Variants in EMILIN2 observed in about 807,000 individuals in gnomAD.
EMILIN2 encodes elastin microfibril interfacer 2.
Under a neutral mutation model 87.1 loss-of-function variants are expected in EMILIN2, and 71 were observed. The ratio of observed to expected loss-of-function variants is 0.82; its 90% CI spans 0.67 to 0.99. The LOEUF (loss-of-function observed/expected upper bound fraction) is 0.99. Among genes scored for constraint, EMILIN2 ranks in the 50% least tolerant of loss-of-function variants. The pLI is 0.00. For synonymous variants in EMILIN2, 581 were observed against 563.4 expected, an observed-to-expected ratio of 1.03 and a Z score of -0.44; for missense variants, 1,407 against 1,371.8, an observed-to-expected ratio of 1.03 and a Z score of -0.40.
chr18:2,913,160 C>T lies in EMILIN2; in HGVS notation c.2918C>T (p.Ser973Phe). 6.2e-7 allele frequency: 1 copy of T among 1,614,050 alleles called. No individual in the cohort carries two copies. Among genetic ancestry groups the T allele is most frequent in the East Asian group, 2.2e-5 (1 of 44,854 alleles). ...DAYVEAVLSV[S>F]NASVAQLHTA... The stretch of plus-strand genomic sequence containing the variant: ...TACGTGGAAGCAGTGCTGTCGGTCT[C>T]CAACGCCAGCGTGGCCCAGCTGCAT... Residue 973 changes from serine (S) to phenylalanine (F), a missense_variant, in exon 8 of 8, where the codon TCC becomes TTC. Physicochemically the swap from Ser to Phe is radical, Grantham distance 155 (BLOSUM62 -2). Transcript: ENST00000254528.
Position 2,913,475 on chromosome 18 carries a change from G to A in EMILIN2, c.*71G>A. Reference sequence around the variant, plus strand: ...TCTAAAGCTTTAATATATTCGGTTTGTATGTAATGGAAGCACGGGGCTAGA... The same window carrying A: ...TCTAAAGCTTTAATATATTCGGTTTATATGTAATGGAAGCACGGGGCTAGA... On this transcript the variant is annotated 3_prime_UTR_variant, in exon 8 of 8. Coordinates refer to ENST00000254528, the MANE Select transcript of EMILIN2 (RefSeq NM_032048.3). The A allele has an allele frequency of 1.6e-6, 2 of 1,280,374 alleles. No homozygotes were observed. Among genetic ancestry groups the A allele is most frequent in the Non-Finnish European group, 2.1e-6 (2 of 931,690 alleles). The allele number at this position is 1,280,374 out of a possible 1,614,324, so 79.3% of individuals were successfully genotyped here.
At chr18:2,881,458 G>T (rs958361211) in intron 2 of EMILIN2, among the ~76,000 whole-genome samples, 1 of 152,250 alleles carries the variant, frequency 6.6e-6, no homozygotes, top group African/African-American at 2.4e-5. Flanking sequence ...CCTACATTAG[G>T]AGCTGGGGAG....
At chr18:2,855,180 G>A (rs1243353461) in intron 2 of EMILIN2, among the ~76,000 whole-genome samples, 1 of 152,202 alleles carries the variant, frequency 6.6e-6, no homozygotes, top group African/African-American at 2.4e-5. Context: ...GCCCCTTGGG[G>A]CTGCTCCCTA....
At chr18:2,867,121 A>G (rs561053176) in intron 2 of EMILIN2, among the ~76,000 whole-genome samples, 40 of 152,110 alleles carry the variant, frequency 2.6e-4, no homozygotes, top group Non-Finnish European at 4.0e-4. Flanking sequence ...GGATTTTTGC[A>G]TCTATGTTCA....
chr18:2,873,445 CGCCT>C (rs2076731031), intron 2 of EMILIN2, among the ~76,000 whole-genome samples: 1 of 149,564 alleles, frequency 6.7e-6, no homozygotes. Context: ...CGGTAGCTCA[CGCCT>C]ATAATCCCAG....
Position 2,891,618 on chromosome 18 carries a change from G to C in EMILIN2, c.1491G>C (p.Leu497=). The C allele has an allele frequency of 1.2e-6, 2 of 1,614,048 alleles. No homozygotes were observed. Among genetic ancestry groups the C allele is most frequent in the Non-Finnish European group, 1.7e-6 (2 of 1,180,014 alleles). ...TTGTTGATCAGAAAATACAGTCTCT[G>C]GAAGACCGTCTGGGGAGCGTTCTCC... ...KQLVDQKIQS[L]EDRLGSVLLQ... The change falls in exon 4 of 8, where the codon CTG becomes CTC. Residue 497 remains leucine, a synonymous_variant. Transcript: ENST00000254528. This position sits in a 1 kb window ranked among gnomAD's most constrained non-coding sequence, Gnocchi z 4.6.
chr18:2,873,558 T>A (rs548316005), intron 2 of EMILIN2, among the ~76,000 whole-genome samples: 1,999 of 150,346 alleles, frequency 0.013, 48 homozygotes, highest in African/African-American at 0.047. Flanking sequence ...ATACAAAAAA[T>A]TAGCCGGGCG....
chr18:2,848,204 T>C lies in EMILIN2; in HGVS notation c.257+273T>C, dbSNP rs2143941502. On this transcript the variant is annotated intron_variant, in intron 2 of 7. Coordinates refer to ENST00000254528, the MANE Select transcript of EMILIN2 (RefSeq NM_032048.3). This position sits in a 1 kb window ranked among gnomAD's most constrained non-coding sequence, Gnocchi z 4.1. ...AGGAGAGGATGAACAAAGCTCCCAC[T>C]CCCACTTCTGTTTTCTCCCTTTCAA... 6.6e-6 allele frequency among the ~76,000 whole-genome samples: 1 copy of C among 152,316 alleles called. No individual in the cohort carries two copies. The highest frequency in any genetic ancestry group is 1.9e-4 in the East Asian group (1 of 5,188).
At position 2,904,282 on chromosome 18, in the gene EMILIN2, G is replaced by T. The variant is rs774150697; in HGVS notation, c.2360-2501G>T. 2.0e-5 allele frequency among the ~76,000 whole-genome samples: 3 copies of T among 152,020 alleles called. No individual in the cohort carries two copies. The East Asian group carries it at 5.8e-4, about 29-fold the overall frequency. On this transcript the variant is annotated intron_variant, in intron 4 of 7. Coordinates refer to ENST00000254528, the MANE Select transcript of EMILIN2 (RefSeq NM_032048.3). ...ATCTTCAGTGTTCTGAATGTGGCTT[G>T]GTTTATTCCTCTTATTCAGTAATTG...
intron 2 of EMILIN2, among the ~76,000 whole-genome samples, chr18:2,875,015 A>G (rs1365933266): frequency 1.3e-5 from 2 of 152,178 alleles, no homozygotes; most frequent in East Asian, 3.9e-4. Flanking sequence ...AGAACAGTGG[A>G]TGGGCAGCTA....
chr18:2,900,193 C>T (rs946579342), intron 4 of EMILIN2, among the ~76,000 whole-genome samples: 1 of 151,462 alleles, frequency 6.6e-6, no homozygotes, highest in East Asian at 1.9e-4. Flanking sequence ...TATTTATTTA[C>T]TCATTTATTT....
In EMILIN2 at chr18:2,890,044, A is replaced by G. The variant is rs2076826492; in HGVS notation, c.434-517A>G. 1.3e-5 allele frequency among the ~76,000 whole-genome samples: 2 copies of G among 151,834 alleles called. No homozygotes were observed. Among genetic ancestry groups the G allele is most frequent in the South Asian group, 2.1e-4 (1 of 4,818 alleles). ...ATTCAGGCACTGCTTTGAGGATAAC[A>G]TCAGAAAATATGATATCATATGATA... On this transcript the variant is annotated intron_variant, in intron 3 of 7. Transcript: ENST00000254528. This position sits in a 1 kb window ranked among gnomAD's most constrained non-coding sequence, Gnocchi z 4.7.
At position 2,913,362 on chromosome 18, in the gene EMILIN2, A is replaced by G. The variant is rs1456291193; in HGVS notation, c.3120A>G (p.Thr1040=). 5.6e-6 allele frequency: 9 copies of G among 1,610,626 alleles called. No homozygotes were observed. The highest frequency in any genetic ancestry group is 5.3e-5 in the African/African-American group (4 of 74,792). ...AHTDFDEMYS[T]FSGVFLYPFL... ...CAGACTTTGATGAAATGTACTCCAC[A>G]TTTAGTGGGGTTTTCTTATATCCTT... The change falls in exon 8 of 8, where the codon ACA becomes ACG. Residue 1040 remains threonine (T), a synonymous_variant. Transcript: ENST00000254528.
intron 3 of EMILIN2, among the ~76,000 whole-genome samples, chr18:2,886,393 T>C (rs2076803628): frequency 6.6e-6 from 1 of 152,268 alleles, no homozygotes; most frequent in African/African-American, 2.4e-5. Context: ...GTTTAATAAG[T>C]TGAATAGCTT....
chr18:2,882,074 G>A (rs1273279488), intron 2 of EMILIN2, among the ~76,000 whole-genome samples: 2 of 152,198 alleles, frequency 1.3e-5, no homozygotes, highest in Non-Finnish European at 2.9e-5. Context: ...TGGGTTTAAC[G>A]GCCCTGCCCC....
At chr18:2,858,307 C>T (rs2076637924) in intron 2 of EMILIN2, among the ~76,000 whole-genome samples, 1 of 151,012 alleles carries the variant, frequency 6.6e-6, no homozygotes, top group African/African-American at 2.4e-5. Flanking sequence ...TTATTTCTCA[C>T]CCACTTCCCA....
In EMILIN2 at chr18:2,847,018, A is replaced by G. The variant is rs2143938392; in HGVS notation, c.-171A>G. 1 of 1,049,158 alleles carries G rather than the reference A, an allele frequency of 9.5e-7. No individual in the cohort carries two copies. The highest frequency in any genetic ancestry group is 2.7e-5 in the South Asian group (1 of 37,424). 65.0% of individuals were successfully genotyped at this position (1,049,158 alleles called of 1,614,324 possible). On this transcript the variant is annotated 5_prime_UTR_variant, in exon 1 of 8. Transcript: ENST00000254528. This position sits in a 1 kb window ranked among gnomAD's most constrained non-coding sequence, Gnocchi z 4.5. Reference sequence around the variant, plus strand: ...CGCACGGGGCTGCAGAAGGAGAAGTAGGAACGAGAAGCCGGAGGGGGCGGC... The same window carrying G: ...CGCACGGGGCTGCAGAAGGAGAAGTGGGAACGAGAAGCCGGAGGGGGCGGC...
chr18:2,848,756 G>A lies in EMILIN2; in HGVS notation c.257+825G>A, dbSNP rs2076589303. On this transcript the variant is annotated intron_variant, in intron 2 of 7. Transcript: ENST00000254528. This position sits in a 1 kb window ranked among gnomAD's most constrained non-coding sequence, Gnocchi z 4.1. ...ATGGCTGTTGAGGAACACATGTGAT[G>A]GCTGAAATTAATTGTTTTCCACTAA... Among the ~76,000 whole-genome samples, 1 of 152,176 alleles carries A rather than the reference G, an allele frequency of 6.6e-6. No individual in the cohort carries two copies. Among genetic ancestry groups the A allele is most frequent in the Non-Finnish European group, 1.5e-5 (1 of 68,032 alleles).
chr18:2,868,609 C>T (rs377378006), intron 2 of EMILIN2, among the ~76,000 whole-genome samples: 94 of 152,386 alleles, frequency 6.2e-4, no homozygotes, highest in African/African-American at 4.6e-4. Flanking sequence ...GCCCGGCCAA[C>T]ACAGCGAAAC....
Sources: allele counts gnomAD v4.1 joint callset (sites outside exome capture counted in the v4.1 genomes callset), GRCh38; gene constraint gnomAD v4.1.1; non-coding constraint Gnocchi (gnomAD v3.1); transcripts MANE v1.5; gene names NCBI Gene and HGNC (gene_info 2026-07-23, HGNC 2026-07-21).